Variants in ZDHHC21 observed in about 807,000 individuals in gnomAD.
ZDHHC21 encodes the protein palmitoyltransferase ZDHHC21.
ZDHHC21 carries 15 observed loss-of-function variants against 34.6 expected under a neutral mutation model. The observed-to-expected ratio is 0.43, with a 90% CI of 0.29 to 0.67. The LOEUF (loss-of-function observed/expected upper bound fraction) is 0.67, where lower values mean the gene tolerates loss of function less well. Ranked by LOEUF, ZDHHC21 falls within the 30% of genes least tolerant of loss-of-function variation. The pLI is 0.14. For synonymous variants in ZDHHC21, 142 were observed against 101.8 expected, an observed-to-expected ratio of 1.40 and a Z score of -2.38; for missense variants, 344 against 327.7, an observed-to-expected ratio of 1.05 and a Z score of -0.38.
chr9:14,641,799 A>G (rs150653765), intron 7 of ZDHHC21, among the ~76,000 whole-genome samples: 1 of 152,274 alleles, frequency 6.6e-6, no homozygotes, highest in Non-Finnish European at 1.5e-5. Context: ...CATAGTATTT[A>G]TGTATTTCTT....
intron 2 of ZDHHC21, among the ~76,000 whole-genome samples, chr9:14,681,730 G>GGTGTGTGTGTGTGT (rs34935934): frequency 3.4e-5 from 5 of 148,468 alleles, no homozygotes; most frequent in Non-Finnish European, 4.5e-5. Context: ...TAAGGGGAAT[G>GGTGTGTGTGTGTGT]GTGTGTGTGT....
chr9:14,678,062 T>C (rs1444548131), intron 3 of ZDHHC21, among the ~76,000 whole-genome samples: 1 of 152,106 alleles, frequency 6.6e-6, no homozygotes, highest in East Asian at 1.9e-4. Context: ...CCATGCCTCC[T>C]GTCTGAAATG....
chr9:14,591,618 A>G, the ZDHHC21 span, among the ~76,000 whole-genome samples: 1 of 152,204 alleles, frequency 6.6e-6, no homozygotes, highest in South Asian at 2.1e-4. Flanking sequence ...GGCTTAAGTC[A>G]GCAGTTCTAA....
chr9:14,649,724 C>A (rs1564290587), intron 7 of ZDHHC21, among the ~76,000 whole-genome samples: 2 of 151,990 alleles, frequency 1.3e-5, no homozygotes, highest in African/African-American at 4.8e-5. Flanking sequence ...AATTGTCTTA[C>A]AGAGCGTATT....
At chr9:14,596,421 C>A in the ZDHHC21 span, among the ~76,000 whole-genome samples, 1 of 152,156 alleles carries the variant, frequency 6.6e-6, no homozygotes, top group Admixed American at 6.5e-5. Flanking sequence ...GGTATGGCTA[C>A]CTGGAAATGG....
intron 6 of ZDHHC21, among the ~76,000 whole-genome samples, chr9:14,661,967 T>C (rs991473891): frequency 6.6e-6 from 1 of 152,056 alleles, no homozygotes; most frequent in Non-Finnish European, 1.5e-5. Context: ...TTAATCCTTT[T>C]GTATATCAGG....
chr9:14,609,408 G>A (rs1361523652), downstream of ZDHHC21, among the ~76,000 whole-genome samples: 4 of 152,100 alleles, frequency 2.6e-5, no homozygotes, highest in African/African-American at 9.6e-5. Context: ...TTCAGACTTG[G>A]GTATTTGGCA....
rs553817496 is a variant in ZDHHC21, at chr9:14,678,586, T to C, written c.-46+1447A>G. Among the ~76,000 whole-genome samples, 13 of 152,220 alleles carry C rather than the reference T, an allele frequency of 8.5e-5. No individual in the cohort carries two copies. The East Asian group carries it at 2.5e-3, about 29-fold the overall frequency. Reference sequence around the variant, plus strand: ...ATACATTATTGGTGGGCATGTAAGCTGATACAATCATCCTGGGAGGGCAAT... The same window carrying C: ...ATACATTATTGGTGGGCATGTAAGCCGATACAATCATCCTGGGAGGGCAAT... On this transcript the variant is annotated intron_variant, in intron 3 of 9. Transcript: ENST00000380916.
At chr9:14,611,057 G>A (rs943435093), downstream of ZDHHC21, 9 of 151,508 alleles carry the variant, frequency 5.9e-5, no homozygotes, top group African/African-American at 2.2e-4. Context: ...AAGGTAAGAG[G>A]ATAAAAACAG....
chr9:14,660,009 C>CT (rs1833050083), intron 6 of ZDHHC21, among the ~76,000 whole-genome samples: 1 of 152,158 alleles, frequency 6.6e-6, no homozygotes, highest in Admixed American at 6.5e-5. Context: ...ACCAGAACAG[C>CT]TTTAAGAAGC....
the ZDHHC21 span, among the ~76,000 whole-genome samples, chr9:14,591,312 G>C: frequency 6.6e-6 from 1 of 152,020 alleles, no homozygotes; most frequent in East Asian, 1.9e-4. Flanking sequence ...TGAGGGATCT[G>C]TCCTCATGAA....
chr9:14,647,912 T>C (rs1830545696), intron 7 of ZDHHC21, among the ~76,000 whole-genome samples: 1 of 152,154 alleles, frequency 6.6e-6, no homozygotes. Context: ...TTTATTTATC[T>C]AGCTCAGACC....
In ZDHHC21 at chr9:14,672,837, T is replaced by G. The variant is rs1292549700; in HGVS notation, c.246A>C (p.Pro82=). 2 of 1,605,664 alleles carry G rather than the reference T, an allele frequency of 1.2e-6. No homozygotes were observed. The highest frequency in any genetic ancestry group is 2.7e-5 in the African/African-American group (2 of 74,682). The change falls in exon 5 of 10, where the codon CCA becomes CCC. Residue 82 remains proline (P), a synonymous_variant. Transcript: ENST00000380916. ...AAATCCAGAGTACCATACCTCCATG[T>G]GGGATCTTGGGGTTCTCAGGGAGTC... ...PGRLPENPKI[P]HGEREFWELC...
intron 2 of ZDHHC21, among the ~76,000 whole-genome samples, chr9:14,682,321 G>C (rs1257952773): frequency 2.6e-5 from 4 of 152,076 alleles, no homozygotes; most frequent in African/African-American, 4.8e-5. Flanking sequence ...ACACACATAG[G>C]CTCAAAATAA....
At chr9:14,645,406 G>C (rs1451870266) in intron 7 of ZDHHC21, among the ~76,000 whole-genome samples, 1 of 151,964 alleles carries the variant, frequency 6.6e-6, no homozygotes, top group Non-Finnish European at 1.5e-5. Context: ...ATTCATCTAT[G>C]AAAAAACTGA....
intron 8 of ZDHHC21, among the ~76,000 whole-genome samples, chr9:14,636,097 T>C (rs147769331): frequency 5.3e-5 from 8 of 152,282 alleles, no homozygotes; most frequent in African/African-American, 1.7e-4. Context: ...AAACTCTACA[T>C]TTAAAACATA....
In ZDHHC21 at chr9:14,658,902, T is replaced by A. The variant is rs1056223548; in HGVS notation, c.366-15A>T. 5 of 1,591,402 alleles carry A rather than the reference T, an allele frequency of 3.1e-6. No individual in the cohort carries two copies. The highest frequency in any genetic ancestry group is 4.3e-6 in the Non-Finnish European group (5 of 1,172,690). On this transcript the variant is annotated splice_polypyrimidine_tract_variant and intron_variant, in intron 6 of 9. Transcript: ENST00000380916. ...AATTGTTAATCCTAAAGAAAAAAAA[T>A]GAAAAAGAAACAATATTTTAAATTT...
chr9:14,657,939 A>T (rs1832568533), intron 7 of ZDHHC21, among the ~76,000 whole-genome samples: 1 of 152,200 alleles, frequency 6.6e-6, no homozygotes, highest in Non-Finnish European at 1.5e-5. Context: ...TTATATCAGA[A>T]ATTTATCTAT....
At chr9:14,667,224 CT>C (rs1198045683) in intron 5 of ZDHHC21, among the ~76,000 whole-genome samples, 1 of 148,490 alleles carries the variant, frequency 6.7e-6, no homozygotes, top group African/African-American at 2.5e-5. Context: ...ACAAACACCT[CT>C]ACTCAAATAA....
Sources: gnomAD v4.1 joint callset for allele counts (sites outside exome capture counted in the v4.1 genomes callset) on GRCh38, gnomAD v4.1.1 for gene constraint, MANE v1.5 for transcripts, NCBI Gene and HGNC (gene_info 2026-07-23, HGNC 2026-07-21) for gene names.